Variants in WWOX observed in about 807,000 individuals in gnomAD.
WWOX encodes WW domain-containing oxidoreductase.
A neutral mutation model predicts 46.2 loss-of-function variants in WWOX; 69 were observed. The observed-to-expected ratio is 1.49, with a 90% CI of 1.23 to 1.82. The LOEUF is 1.82. Among genes scored for constraint, WWOX ranks in the 40% most tolerant of loss-of-function variants. The probability of loss-of-function intolerance (pLI) is 0.00; values close to 1 mark genes in which losing one functional copy is unlikely to be tolerated. For synonymous variants in WWOX, 359 were observed against 202.6 expected, an observed-to-expected ratio of 1.77 and a Z score of -6.56; for missense variants, 919 against 542.6, an observed-to-expected ratio of 1.69 and a Z score of -6.89.
chr16:78,909,313 A>C (rs1221982960), intron 8 of WWOX, among the ~76,000 whole-genome samples: 2 of 152,202 alleles, frequency 1.3e-5, no homozygotes, highest in African/African-American at 4.8e-5. Flanking sequence ...AGGGGGAAAG[A>C]ATTTTAGAAT....
intron 8 of WWOX, among the ~76,000 whole-genome samples, chr16:78,516,018 C>G (rs779453338): frequency 6.6e-6 from 1 of 152,098 alleles, no homozygotes; most frequent in African/African-American, 2.4e-5. Flanking sequence ...TCTCCCCTTC[C>G]CTGCTCCCTC....
At chr16:78,803,775 A>G (rs1434325014) in intron 8 of WWOX, among the ~76,000 whole-genome samples, 2 of 152,112 alleles carry the variant, frequency 1.3e-5, no homozygotes, top group African/African-American at 2.4e-5. Context: ...GCATTCTTGG[A>G]AGTAAAACCA....
chr16:79,130,795 T>A (rs375384477), intron 8 of WWOX, among the ~76,000 whole-genome samples: 87 of 152,332 alleles, frequency 5.7e-4, no homozygotes, highest in African/African-American at 1.9e-3. Flanking sequence ...TGTGATCAAG[T>A]ACATATGCTC....
intron 6 of WWOX, among the ~76,000 whole-genome samples, chr16:78,410,003 C>T (rs77081164): frequency 0.017 from 2,622 of 152,248 alleles, 81 homozygotes; most frequent in African/African-American, 0.059. Context: ...CTAGTGTTGG[C>T]GGTGGGTGTG....
At chr16:78,700,312 CAGAGAGAG>C (rs55638553) in intron 8 of WWOX, among the ~76,000 whole-genome samples, 8,261 of 130,432 alleles carry the variant, frequency 0.063, 278 homozygotes, top group Middle Eastern at 0.12. Flanking sequence ...ACTTAGTAGA[CAGAGAGAG>C]AGAGAGAGAG....
intron 8 of WWOX, among the ~76,000 whole-genome samples, chr16:78,658,349 T>C (rs1400479080): frequency 1.3e-5 from 2 of 152,234 alleles, no homozygotes; most frequent in East Asian, 1.9e-4. Flanking sequence ...TTATGTGCCA[T>C]GCCCTGCTCT....
At chr16:79,165,309 C>T (rs1003369017) in intron 8 of WWOX, among the ~76,000 whole-genome samples, 3 of 152,188 alleles carry the variant, frequency 2.0e-5, no homozygotes, top group South Asian at 2.1e-4. Flanking sequence ...CACATGGGTG[C>T]GTATATGTTA....
intron 5 of WWOX, among the ~76,000 whole-genome samples, chr16:78,237,183 T>C (rs867026034): frequency 1.3e-5 from 2 of 152,090 alleles, no homozygotes; most frequent in Admixed American, 6.5e-5. Flanking sequence ...TTTATGTGCA[T>C]TGGGCATTTT....
rs1365512040 is a variant in WWOX at position 78,604,359 on chromosome 16, G to A, written c.1056+171607G>A. Among the ~76,000 whole-genome samples, 5 of 152,174 alleles carry A rather than the reference G, an allele frequency of 3.3e-5. No homozygotes were observed. In the South Asian group the frequency reaches 8.3e-4, roughly 25 times the overall value. On this transcript the variant is annotated intron_variant, in intron 8 of 8. Transcript: ENST00000566780. ...TCATGAATGCTTTAGTGTGGCAGAT[G>A]TTACTGTACATGGGCCCTCGTTTAT...
At chr16:78,810,845 C>G (rs1330707056) in intron 8 of WWOX, among the ~76,000 whole-genome samples, 2 of 152,118 alleles carry the variant, frequency 1.3e-5, no homozygotes, top group Non-Finnish European at 2.9e-5. Context: ...GCGCAAGATC[C>G]AAAAAGACAA....
At chr16:78,961,847 T>C (rs1476224939) in intron 8 of WWOX, among the ~76,000 whole-genome samples, 4 of 152,208 alleles carry the variant, frequency 2.6e-5, no homozygotes, top group Non-Finnish European at 5.9e-5. Flanking sequence ...ACATCTTCCA[T>C]GAAGTTGATT....
chr16:78,333,625 T>C (rs901203773), intron 5 of WWOX, among the ~76,000 whole-genome samples: 1 of 152,128 alleles, frequency 6.6e-6, no homozygotes, highest in African/African-American at 2.4e-5. Context: ...TGATGTTAAT[T>C]GAGATATAGG....
At chr16:78,186,260 G>A (rs2035701338) in intron 5 of WWOX, among the ~76,000 whole-genome samples, 1 of 149,902 alleles carries the variant, frequency 6.7e-6, no homozygotes, top group Admixed American at 6.6e-5. Context: ...TTTTGACACG[G>A]CTCCTGGAAA....
intron 8 of WWOX, among the ~76,000 whole-genome samples, chr16:78,672,432 A>G (rs1446822509): frequency 6.6e-6 from 1 of 152,178 alleles, no homozygotes; most frequent in Non-Finnish European, 1.5e-5. Context: ...ATTTTGACTA[A>G]GACTGGAATG....
intron 8 of WWOX, chr16:78,897,026 G>C (rs2044715837): frequency 6.6e-6 from 1 of 150,618 alleles, no homozygotes; most frequent in Non-Finnish European, 1.5e-5. Flanking sequence ...CCAGGAGTTT[G>C]AGATCAGTCT....
chr16:78,482,118 G>A (rs1186786553), intron 8 of WWOX, among the ~76,000 whole-genome samples: 1 of 152,138 alleles, frequency 6.6e-6, no homozygotes, highest in South Asian at 2.1e-4. Context: ...TATTTAGGTG[G>A]AATGGTGGGT....
chr16:78,610,983 C>CAAA (rs2045887359), intron 8 of WWOX, among the ~76,000 whole-genome samples: 1 of 152,030 alleles, frequency 6.6e-6, no homozygotes, highest in Non-Finnish European at 1.5e-5. Context: ...ACAAAAACAA[C>CAAA]AACAACAACA....
intron 8 of WWOX, chr16:78,552,155 C>G (rs991630174): frequency 3.9e-5 from 6 of 152,194 alleles, no homozygotes; most frequent in African/African-American, 1.4e-4. Flanking sequence ...CCCAGAATTT[C>G]ACATGCAAAT....
intron 8 of WWOX, among the ~76,000 whole-genome samples, chr16:78,945,333 T>C (rs536270368): frequency 6.6e-6 from 1 of 152,334 alleles, no homozygotes; most frequent in South Asian, 2.1e-4. Context: ...TCTTCTTAAA[T>C]GTATAATCTC....
Sources: gnomAD v4.1 joint callset for allele counts (sites outside exome capture counted in the v4.1 genomes callset) on GRCh38, gnomAD v4.1.1 for gene constraint, MANE v1.5 for transcripts, NCBI Gene and HGNC (gene_info 2026-07-23, HGNC 2026-07-21) for gene names.